The following WDR47 variants were observed in gnomAD, a reference collection of about 807,000 sequenced individuals.
WDR47 encodes the protein WD repeat-containing protein 47.
WDR47 carries 32 observed loss-of-function variants against 97.2 expected under a neutral mutation model. The observed-to-expected ratio is 0.33, with a 90% CI of 0.25 to 0.44. WDR47 has a LOEUF of 0.44. WDR47 is among the 20% of genes least tolerant of loss of function. The pLI is 1.00. For missense variants in WDR47, 782 were observed against 1,102.3 expected, an observed-to-expected ratio of 0.71 and a Z score of 4.11; for synonymous variants, 375 against 373.5, an observed-to-expected ratio of 1.00 and a Z score of -0.05.
rs35413882 is a variant in WDR47, at chr1:109,032,505, CA to C, written c.-9-8985del. Among the ~76,000 whole-genome samples the C allele has an allele frequency of 1.4e-3, 121 of 85,000 alleles. 2 individuals are homozygous for C. Among genetic ancestry groups the C allele is most frequent in the African/African-American group, 4.4e-3 (99 of 22,316 alleles). 55.8% of individuals were successfully genotyped at this position (85,000 alleles called of 152,430 possible). ...CTTGGGCGACAGAGCGAGACTGTCT[CA>C]AAAAAAAAAAAAAAAGATTTTCTTA... On this transcript the variant is annotated intron_variant, in intron 1 of 14. Transcript: ENST00000369962.
chr1:109,037,709 C>T (rs994822793), intron 1 of WDR47, among the ~76,000 whole-genome samples: 1 of 150,616 alleles, frequency 6.6e-6, no homozygotes, highest in African/African-American at 2.4e-5. Flanking sequence ...TCTTTTTCAT[C>T]ACAACAACAA....
At position 108,978,432 on chromosome 1, in the gene WDR47, T is replaced by C. The variant is rs985873489; in HGVS notation, c.2398+3301A>G. On this transcript the variant is annotated intron_variant, in intron 13 of 14. Transcript: ENST00000369962. ...AGGCGGAGCTTGCAGTGAGCCGAGA[T>C]TGCGCCACTGCACTCCAGCCTGGGC... Among the ~76,000 whole-genome samples the C allele has an allele frequency of 4.6e-5, 7 of 151,804 alleles. No homozygotes were observed. The South Asian group carries it at 1.2e-3, about 27-fold the overall frequency.
At chr1:109,015,214 T>A (rs1039898504) in intron 3 of WDR47, among the ~76,000 whole-genome samples, 15 of 152,092 alleles carry the variant, frequency 9.9e-5, no homozygotes, top group Non-Finnish European at 1.6e-4. Context: ...AACAACAGGT[T>A]CAACTTCTGA....
In WDR47 at chr1:108,971,441, A is replaced by G. The variant is rs938346954; in HGVS notation, c.2749T>C (p.Tyr917His). ...SADRTVTLWT[Y>H]NG ...ACATGCGGTGTGCTCTACCCATTGTAAGTCCAGAGGGTGACAGTTCTATCT... is the reference window on the plus strand; with the variant it reads ...ACATGCGGTGTGCTCTACCCATTGTGAGTCCAGAGGGTGACAGTTCTATCT... The change falls in exon 15 of 15, where the codon TAC becomes CAC. Residue 917 changes from tyrosine to histidine, a missense_variant. By Grantham distance (83) the Tyr-to-His change is moderately conservative. Around this residue, in one of 3 missense-constraint regions of WDR47, gnomAD observed 228 missense variants for 396.7 expected, o/e 0.57. Transcript: ENST00000369962. The G allele has an allele frequency of 5.6e-6, 9 of 1,614,066 alleles. No individual in the cohort carries two copies. Among genetic ancestry groups the G allele is most frequent in the Middle Eastern group, 1.6e-4 (1 of 6,084 alleles).
chr1:109,041,125 C>T (rs1361350268), intron 1 of WDR47, among the ~76,000 whole-genome samples: 3 of 146,876 alleles, frequency 2.0e-5, no homozygotes, highest in African/African-American at 7.5e-5. Context: ...CCTACCCTCG[C>T]CCCCCGCCCC....
Position 109,008,533 on chromosome 1 carries a change from G to A in WDR47, c.1130+2383C>T, listed in dbSNP as rs914406332. Among the ~76,000 whole-genome samples, 3 of 152,154 alleles carry A rather than the reference G, an allele frequency of 2.0e-5. No homozygotes were observed. The South Asian group carries it at 6.2e-4, about 32-fold the overall frequency. On this transcript the variant is annotated intron_variant, in intron 5 of 14. Coordinates refer to ENST00000369962, the MANE Select transcript of WDR47 (RefSeq NM_001142551.2). The stretch of plus-strand genomic sequence containing the variant: ...CCACCTCGGCTTCCCAAAGTGCTGG[G>A]ATTACAGGCTTGAGCCATCGCGCCG...
At chr1:108,974,779 A>C in intron 13 of WDR47, 25 bp from the exon 14 acceptor site, 2 of 1,554,846 alleles carry the variant, frequency 1.3e-6, no homozygotes, top group Non-Finnish European at 1.8e-6. Context: ...ATGAAAGTTT[A>C]AATACAGAAA....
chr1:108,984,228 A>G (rs930128987), intron 10 of WDR47, among the ~76,000 whole-genome samples: 1 of 152,196 alleles, frequency 6.6e-6, no homozygotes, highest in Non-Finnish European at 1.5e-5. Flanking sequence ...CTTTAATGAC[A>G]GTCAAACATT....
chr1:108,996,889 G>A (rs1240378132), intron 7 of WDR47, among the ~76,000 whole-genome samples: 4 of 152,018 alleles, frequency 2.6e-5, no homozygotes, highest in Non-Finnish European at 4.4e-5. Context: ...AGGCTGAGGT[G>A]GGCGGATCAC....
chr1:109,023,608 A>G (rs1480290690), intron 1 of WDR47, 87 bp from the exon 2 acceptor site: 1 of 1,354,882 alleles, frequency 7.4e-7, no homozygotes, highest in Non-Finnish European at 1.0e-6. Flanking sequence ...TAACAGGTTT[A>G]CTGGGAATCT....
At chr1:108,973,806 C>T (rs1271980689) in intron 14 of WDR47, among the ~76,000 whole-genome samples, 1 of 151,898 alleles carries the variant, frequency 6.6e-6, no homozygotes, top group Non-Finnish European at 1.5e-5. Context: ...TGGCTTGAAC[C>T]CAGGAGGTCA....
intron 1 of WDR47, among the ~76,000 whole-genome samples, chr1:109,029,336 G>A (rs895593074): frequency 4.0e-5 from 6 of 151,702 alleles, no homozygotes; most frequent in Non-Finnish European, 7.4e-5. Flanking sequence ...CAGCCTGGCC[G>A]AGATGCTGAA....
rs544610219 is a variant in WDR47 at position 108,970,706 on chromosome 1, C to A, written c.*724G>T. The stretch of plus-strand genomic sequence containing the variant: ...CAGTTCAGTTTGGAAGGGAGGTATC[C>A]TGTTGCATTCAAAAAACTGAAGTTA... On this transcript the variant is annotated 3_prime_UTR_variant, in exon 15 of 15. Coordinates refer to ENST00000369962, the MANE Select transcript of WDR47 (RefSeq NM_001142551.2). The A allele has an allele frequency of 6.6e-6, 1 of 152,624 alleles. No individual in the cohort carries two copies. Among genetic ancestry groups the A allele is most frequent in the Non-Finnish European group, 1.5e-5 (1 of 68,048 alleles). The allele number at this position is 152,624 out of a possible 1,614,324, so 9.5% of individuals were successfully genotyped here.
Position 109,011,477 on chromosome 1 carries a change from C to T in WDR47, c.569G>A (p.Ser190Asn), listed in dbSNP as rs748234241. 6.2e-7 allele frequency: 1 copy of T among 1,614,174 alleles called. No individual in the cohort carries two copies. Among genetic ancestry groups the T allele is most frequent in the East Asian group, 2.2e-5 (1 of 44,882 alleles). Reference sequence around the variant, plus strand: ...TACAAGCTGAAATAAACGATTGTTACTAGCCTTAAAACCAGCTTCACTTAG... The same window carrying T: ...TACAAGCTGAAATAAACGATTGTTATTAGCCTTAAAACCAGCTTCACTTAG... ...RKLSEAGFKA[S>N]NNRLFQLVMK... Residue 190 changes from serine to asparagine, a missense_variant, in exon 5 of 15, where the codon AGT becomes AAT. Around this residue, in one of 3 missense-constraint regions of WDR47, gnomAD observed 428 missense variants for 584.3 expected, o/e 0.73. Coordinates refer to ENST00000369962, the MANE Select transcript of WDR47 (RefSeq NM_001142551.2).
At chr1:108,977,041 C>G (rs188636317) in intron 13 of WDR47, among the ~76,000 whole-genome samples, 1 of 152,248 alleles carries the variant, frequency 6.6e-6, no homozygotes, top group Non-Finnish European at 1.5e-5. Flanking sequence ...AAAGGGAGCA[C>G]AAGTGAAAGT....
intron 7 of WDR47, among the ~76,000 whole-genome samples, chr1:108,996,077 C>CT (rs558978788): frequency 5.3e-5 from 8 of 152,168 alleles, no homozygotes; most frequent in Middle Eastern, 3.4e-3. Context: ...ATAGACTTTT[C>CT]TTTTTTTGAG....
intron 1 of WDR47, among the ~76,000 whole-genome samples, chr1:109,025,895 A>G (rs1458862315): frequency 6.6e-6 from 1 of 152,154 alleles, no homozygotes; most frequent in East Asian, 1.9e-4. Flanking sequence ...GGAAACAGTA[A>G]ATCACAAACT....
intron 13 of WDR47, among the ~76,000 whole-genome samples, chr1:108,976,395 G>A (rs910152128): frequency 2.0e-5 from 3 of 151,238 alleles, no homozygotes; most frequent in African/African-American, 7.3e-5. Flanking sequence ...AGTAAGGAAG[G>A]TGGGAAGAAT....
chr1:109,004,068 T>C (rs1400280705), intron 6 of WDR47, among the ~76,000 whole-genome samples: 1 of 151,784 alleles, frequency 6.6e-6, no homozygotes, highest in Non-Finnish European at 1.5e-5. Flanking sequence ...ATCGAGACCA[T>C]CCTGGCTAAC....
Sources: allele counts gnomAD v4.1 joint callset (sites outside exome capture counted in the v4.1 genomes callset), GRCh38; gene constraint gnomAD v4.1.1; regional missense constraint gnomAD v4.1.1; transcripts MANE v1.5; gene names NCBI Gene and HGNC (gene_info 2026-07-23, HGNC 2026-07-21).